The following CHN1 variants were observed in gnomAD, a reference collection of about 807,000 sequenced individuals.
CHN1 encodes chimerin 1.
In CHN1, 37 loss-of-function variants were observed where a neutral mutation model predicts 59.5. The observed-to-expected ratio is 0.62, with a 90% CI of 0.48 to 0.82. The LOEUF is 0.82. Among genes scored for constraint, CHN1 ranks in the 40% least tolerant of loss-of-function variants. CHN1 has a pLI of 0.00. For missense variants in CHN1, 469 were observed against 571.0 expected (o/e 0.82, Z 1.82); for synonymous variants, 206 against 200.4 (o/e 1.03, Z -0.24).
At chr2:174,802,274 A>G (rs1684749125) in intron 11 of CHN1, among the ~76,000 whole-genome samples, 1 of 152,198 alleles carries the variant, frequency 6.6e-6, no homozygotes, top group African/African-American at 2.4e-5. Context: ...ACCCACTATG[A>G]CCCCAAGAAA....
At chr2:174,931,657 G>C (rs1689351083) in intron 3 of CHN1, among the ~76,000 whole-genome samples, 1 of 152,196 alleles carries the variant, frequency 6.6e-6, no homozygotes, top group Admixed American at 6.5e-5. Flanking sequence ...GAACTATATA[G>C]TATGTAACAA....
chr2:174,818,221 G>A (rs1685350548), intron 8 of CHN1, among the ~76,000 whole-genome samples: 1 of 152,172 alleles, frequency 6.6e-6, no homozygotes, highest in Non-Finnish European at 1.5e-5. Flanking sequence ...ATTTAAATAA[G>A]ATAAAACTAT....
chr2:174,875,904 T>G (rs1479950456), intron 6 of CHN1: 3 of 829,480 alleles, frequency 3.6e-6, no homozygotes, highest in Non-Finnish European at 4.4e-6. Flanking sequence ...TGAGTAGATT[T>G]TAAGCCAGCT....
At chr2:174,824,348 G>T in intron 8 of CHN1, 86 bp downstream of exon 8, 1 of 975,558 alleles carries the variant, frequency 1.0e-6, no homozygotes, top group Non-Finnish European at 1.5e-6. Flanking sequence ...CAGCCTACTG[G>T]ATATGCATAA....
chr2:174,988,922 A>G (rs1045115143), intron 1 of CHN1, among the ~76,000 whole-genome samples: 2 of 152,214 alleles, frequency 1.3e-5, no homozygotes, highest in African/African-American at 4.8e-5. Context: ...TAAGTCAGAA[A>G]AAGTACTGTT....
At chr2:174,930,214 G>A (rs1306127430) in intron 3 of CHN1, among the ~76,000 whole-genome samples, 11 of 152,168 alleles carry the variant, frequency 7.2e-5, no homozygotes, top group African/African-American at 2.7e-4. Flanking sequence ...TGACCAGGAG[G>A]AGAGTCAGGT....
intron 5 of CHN1, among the ~76,000 whole-genome samples, chr2:174,913,112 G>C (rs1311156671): frequency 6.6e-6 from 1 of 152,300 alleles, no homozygotes; most frequent in South Asian, 2.1e-4. Flanking sequence ...GCTGGTATCA[G>C]CTGGTGAAAA....
At chr2:174,947,089 T>G (rs535682135) in intron 2 of CHN1, among the ~76,000 whole-genome samples, 1 of 152,104 alleles carries the variant, frequency 6.6e-6, no homozygotes, top group Non-Finnish European at 1.5e-5. Context: ...AACTGAATGA[T>G]AGTCAAGAAG....
intron 6 of CHN1, among the ~76,000 whole-genome samples, chr2:174,876,067 T>C (rs1259484756): frequency 3.3e-5 from 5 of 152,184 alleles, no homozygotes; most frequent in African/African-American, 1.2e-4. Flanking sequence ...GGGAATTCAG[T>C]ACAGAAAGTT....
At chr2:174,928,860 T>C (rs747311706) in intron 3 of CHN1, among the ~76,000 whole-genome samples, 32 of 152,210 alleles carry the variant, frequency 2.1e-4, no homozygotes, top group Non-Finnish European at 4.1e-4. Flanking sequence ...AATATGGTAA[T>C]AGCTAAGCTT....
chr2:174,999,665 T>C (rs991598995), intron 1 of CHN1, among the ~76,000 whole-genome samples: 3 of 151,892 alleles, frequency 2.0e-5, no homozygotes, highest in African/African-American at 7.3e-5. Context: ...AGATGGAGAG[T>C]TGGGGTAAAA....
At chr2:174,824,407 A>G in intron 8 of CHN1, 27 bp downstream of exon 8, 1 of 1,549,796 alleles carries the variant, frequency 6.5e-7, no homozygotes, top group African/African-American at 1.4e-5. Flanking sequence ...AACTGACTCA[A>G]TCCAGAGACA....
intron 3 of CHN1, among the ~76,000 whole-genome samples, chr2:174,923,669 G>T (rs1283613521): frequency 1.3e-5 from 2 of 152,190 alleles, no homozygotes; most frequent in Non-Finnish European, 2.9e-5. Context: ...ACAGTAGTGA[G>T]ATTGGTGGCT....
At chr2:174,937,965 G>A (rs556086271) in intron 3 of CHN1, among the ~76,000 whole-genome samples, 1 of 152,154 alleles carries the variant, frequency 6.6e-6, no homozygotes, top group East Asian at 1.9e-4. Flanking sequence ...ACATTGCCCA[G>A]CCTCAGGTAT....
chr2:174,975,769 T>C (rs991329568), intron 1 of CHN1, among the ~76,000 whole-genome samples: 7 of 151,946 alleles, frequency 4.6e-5, no homozygotes, highest in African/African-American at 7.3e-5. Flanking sequence ...GGTTCATACA[T>C]GACAGAATTA....
At chr2:174,877,291 TACTC>T (rs891497790) in intron 6 of CHN1, among the ~76,000 whole-genome samples, 47 of 152,266 alleles carry the variant, frequency 3.1e-4, no homozygotes, top group African/African-American at 1.0e-3. Flanking sequence ...AAGTGAATCT[TACTC>T]ATTCAATTAC....
chr2:174,861,750 G>A (rs1275104059), intron 6 of CHN1, among the ~76,000 whole-genome samples: 1 of 152,136 alleles, frequency 6.6e-6, no homozygotes, highest in Non-Finnish European at 1.5e-5. Flanking sequence ...ACATTGAATT[G>A]AAAACAATTG....
chr2:174,958,782 G>A (rs1430980820), intron 1 of CHN1, among the ~76,000 whole-genome samples: 2 of 152,188 alleles, frequency 1.3e-5, no homozygotes, highest in East Asian at 1.9e-4. Context: ...AAAGCACCTT[G>A]TACTTAGGAG....
intron 7 of CHN1, among the ~76,000 whole-genome samples, chr2:174,842,114 A>C (rs552090977): frequency 1.3e-5 from 2 of 152,324 alleles, no homozygotes; most frequent in South Asian, 2.1e-4. Context: ...AAGTAACAAC[A>C]ACCAAAGGTC....
Sources: gnomAD v4.1 joint callset for allele counts (sites outside exome capture counted in the v4.1 genomes callset) on GRCh38, gnomAD v4.1.1 for gene constraint, MANE v1.5 for transcripts, NCBI Gene and HGNC (gene_info 2026-07-23, HGNC 2026-07-21) for gene names.